The following CYP51A1 variants were observed in gnomAD, a reference collection of about 807,000 sequenced individuals.
CYP51A1 encodes lanosterol 14-alpha demethylase.
In CYP51A1, 45 loss-of-function variants were observed where a neutral mutation model predicts 53.5. That is an observed-to-expected ratio of 0.84 (90% CI 0.66 to 1.08). The LOEUF (loss-of-function observed/expected upper bound fraction) is 1.08, where lower values mean the gene tolerates loss of function less well. Ranked by LOEUF, CYP51A1 falls within the 50% of genes least tolerant of loss-of-function variation. The pLI, the probability that CYP51A1 is intolerant of heterozygous loss-of-function variation, is 0.00. For missense variants in CYP51A1, 462 were observed against 621.7 expected (o/e 0.74, Z 2.73); for synonymous variants, 181 against 217.7 (o/e 0.83, Z 1.48).
At chr7:92,134,654 A>G (rs1478680464), upstream of CYP51A1, 1 of 391,908 alleles carries the variant, frequency 2.6e-6, no homozygotes, top group East Asian at 4.0e-5. Flanking sequence ...ACGGGGCCGG[A>G]AGATAACTTA....
rs117431205 is a variant in CYP51A1, at chr7:92,123,079, A to C, written c.1086+41T>G. The stretch of plus-strand genomic sequence containing the variant: ...TTTTAAAAATTAGCCACAGATCCTC[A>C]AAGTCATAAGGCAGCAATGAAACTG... On this transcript the variant is annotated intron_variant, in intron 7 of 9. Coordinates refer to ENST00000003100, the MANE Select transcript of CYP51A1 (RefSeq NM_000786.4). 10,105 of 1,498,862 alleles carry C rather than the reference A, an allele frequency of 6.7e-3. 49 individuals are homozygous for C. Among genetic ancestry groups the C allele is most frequent in the Non-Finnish European group, 7.8e-3 (8,493 of 1,092,828 alleles). The allele number at this position is 1,498,862 out of a possible 1,614,324, so 92.8% of individuals were successfully genotyped here. A position where few individuals can be genotyped will look rare whatever the true frequency, so the allele number is the denominator to read the frequency against.
Position 92,123,324 on chromosome 7 carries a change from T to C in CYP51A1, c.891-9A>G, listed in dbSNP as rs1819728794. On this transcript the variant is annotated splice_polypyrimidine_tract_variant and intron_variant, in intron 6 of 9. Coordinates refer to ENST00000003100, the MANE Select transcript of CYP51A1 (RefSeq NM_000786.4). ...TCAAAGGACGCCCATCCCTAAGGAA[T>C]GAACCAAAGACACAAATTTAACATT... 1.2e-6 allele frequency: 2 copies of C among 1,601,248 alleles called. No homozygotes were observed. The highest frequency in any genetic ancestry group is 2.2e-5 in the South Asian group (2 of 89,076).
At chr7:92,133,813 C>G (rs1819975179) in intron 1 of CYP51A1, among the ~76,000 whole-genome samples, 1 of 152,214 alleles carries the variant, frequency 6.6e-6, no homozygotes, top group South Asian at 2.1e-4. Flanking sequence ...CCACAGCCGC[C>G]AATCCAGCCA....
In CYP51A1 at chr7:92,131,850, G is replaced by A. The variant is rs773113914; in HGVS notation, c.215C>T (p.Ser72Phe). Residue 72 changes from serine to phenylalanine, a missense_variant, in exon 2 of 10, where the codon TCC (serine) becomes TTC (phenylalanine). Physicochemically the swap from Ser to Phe is radical, Grantham distance 155 (BLOSUM62 -2). Transcript: ENST00000003100. ...GGCATGCCCAAGGAATGGAATTGGG[G>A]AGAAAATGTATGGAGGACTTTTCTA... The part of the protein sequence containing the change: ...AGVKSPPYIF[S>F]PIPFLGHAIA... 4 of 1,597,766 alleles carry A rather than the reference G, an allele frequency of 2.5e-6. No individual in the cohort carries two copies. Among genetic ancestry groups the A allele is most frequent in the Non-Finnish European group, 3.4e-6 (4 of 1,167,544 alleles).
At chr7:92,128,428 C>CTCTGTG (rs112952169) in intron 3 of CYP51A1, among the ~76,000 whole-genome samples, 2,736 of 143,076 alleles carry the variant, frequency 0.019, 39 homozygotes, top group African/African-American at 0.028. Flanking sequence ...TGGTTGGTTT[C>CTCTGTG]TGTGTGTGTG....
At chr7:92,126,158 T>G in intron 5 of CYP51A1, 95 bp downstream of exon 5, 1 of 827,418 alleles carries the variant, frequency 1.2e-6, no homozygotes, top group Non-Finnish European at 1.8e-6. Flanking sequence ...ATGTTTTACT[T>G]GTTTAATTTT....
At chr7:92,116,985 G>C in intron 9 of CYP51A1, 59 bp downstream of exon 9, 1 of 1,477,186 alleles carries the variant, frequency 6.8e-7, no homozygotes, top group Non-Finnish European at 9.1e-7. Context: ...GGAATATTTT[G>C]ACAGAGACAA....
intron 6 of CYP51A1, 28 bp downstream of exon 6, chr7:92,123,706 C>A: frequency 6.4e-7 from 1 of 1,572,160 alleles, no homozygotes; most frequent in South Asian, 1.2e-5. Context: ...CCTGCTTCAG[C>A]TTAATATGTT....
At chr7:92,116,684 T>C (rs1053710631) in intron 9 of CYP51A1, among the ~76,000 whole-genome samples, 1 of 152,226 alleles carries the variant, frequency 6.6e-6, no homozygotes. Flanking sequence ...TGTGAAATGC[T>C]AGTAATCTGT....
At chr7:92,132,003 A>C in intron 1 of CYP51A1, 131 bp from the exon 2 acceptor site, 1 of 641,382 alleles carries the variant, frequency 1.6e-6, no homozygotes, top group Non-Finnish European at 2.9e-6. Context: ...AAAAAAAAGG[A>C]AGCATCAGAA....
intron 2 of CYP51A1, among the ~76,000 whole-genome samples, chr7:92,129,444 C>A (rs1380943948): frequency 2.6e-5 from 4 of 152,094 alleles, no homozygotes; most frequent in African/African-American, 9.7e-5. Flanking sequence ...AGACTTCTTC[C>A]CCCTTTGGTT....
chr7:92,134,676 G>A (rs1010028146), upstream of CYP51A1: 1 of 341,950 alleles, frequency 2.9e-6, no homozygotes, highest in Non-Finnish European at 5.3e-6. Context: ...CTGAAGAGGC[G>A]ATCAATCCCT....
At chr7:92,115,168 T>C (rs1234684367) in intron 9 of CYP51A1, among the ~76,000 whole-genome samples, 1 of 152,150 alleles carries the variant, frequency 6.6e-6, no homozygotes, top group Non-Finnish European at 1.5e-5. Context: ...AACAGCACAA[T>C]TACGAGGTAA....
At chr7:92,119,031 CCCAAA>C (rs1426301721) in intron 7 of CYP51A1, among the ~76,000 whole-genome samples, 1 of 152,134 alleles carries the variant, frequency 6.6e-6, no homozygotes, top group Non-Finnish European at 1.5e-5. Context: ...TCCTCCTCTC[CCCAAA>C]TCCATGGTAG....
Position 92,113,739 on chromosome 7 carries a change from G to A in CYP51A1, c.1456C>T (p.Pro486Ser). 6.2e-7 allele frequency: 1 copy of A among 1,612,984 alleles called. No homozygotes were observed. The highest frequency in any genetic ancestry group is 8.5e-7 in the Non-Finnish European group (1 of 1,179,496). The change falls in exon 10 of 10, where the codon CCC becomes TCC. Residue 486 changes from proline (P) to serine (S), a missense_variant. By Grantham distance (74) the Pro-to-Ser change is moderately conservative. Coordinates refer to ENST00000003100, the MANE Select transcript of CYP51A1 (RefSeq NM_000786.4). ...YEFDLIDGYF[P>S]TVNYTTMIHT... ...ATCATAGTTGTATAATTCACAGTGG[G>A]AAAGTATCCATCAATGAGATCAAAT...
In CYP51A1 at chr7:92,118,534, C is replaced by T; in HGVS notation, c.1168G>A (p.Ala390Thr). ...AAGATACTCACCTGAGGAGTTCTGG[C>T]CATTCTCATCATGATCATTATAGGA... is the stretch of plus-strand genomic sequence containing the variant. ...RPPIMIMMRMARTPQTVAGYT... is the reference protein window; with the variant it reads ...RPPIMIMMRMTRTPQTVAGYT... The change falls in exon 8 of 10, where the codon GCC (alanine) becomes ACC (threonine). Residue 390 changes from alanine (A) to threonine (T), a missense_variant. Physicochemically the swap from Ala to Thr is moderately conservative, Grantham distance 58. Coordinates refer to ENST00000003100, the MANE Select transcript of CYP51A1 (RefSeq NM_000786.4). 3 of 1,578,218 alleles carry T rather than the reference C, an allele frequency of 1.9e-6. No individual in the cohort carries two copies. Among genetic ancestry groups the T allele is most frequent in the Non-Finnish European group, 2.6e-6 (3 of 1,148,786 alleles).
rs1167053291 is a variant in CYP51A1, at chr7:92,133,037, T to C, written c.192+1136A>G. ...AAATATCATTTCCTTAAAGATCCCA[T>C]GTGTAGGAAAAAAATAAATAAATAA... On this transcript the variant is annotated intron_variant, in intron 1 of 9. Transcript: ENST00000003100. 3.9e-5 allele frequency among the ~76,000 whole-genome samples: 6 copies of C among 152,114 alleles called. No homozygotes were observed. The East Asian group carries it at 1.2e-3, about 29-fold the overall frequency.
rs903531271 is a variant in CYP51A1 at position 92,126,686 on chromosome 7, G to A, written c.596-259C>T. ...ACTCATGAGCACTTCATCATGAAAA[G>A]AATAAATGTGGTTATTTGATTTCCA... On this transcript the variant is annotated intron_variant, in intron 4 of 9. Coordinates refer to ENST00000003100, the MANE Select transcript of CYP51A1 (RefSeq NM_000786.4). Among the ~76,000 whole-genome samples the A allele has an allele frequency of 4.6e-5, 7 of 152,240 alleles. No individual in the cohort carries two copies. In the East Asian group the frequency reaches 1.2e-3, roughly 25 times the overall value.
intron 9 of CYP51A1, among the ~76,000 whole-genome samples, chr7:92,114,411 A>G (rs996815094): frequency 6.6e-6 from 1 of 152,198 alleles, no homozygotes; most frequent in Non-Finnish European, 1.5e-5. Flanking sequence ...TTCAAATCTG[A>G]CTTCAAGACT....
Sources: allele counts gnomAD v4.1 joint callset (sites outside exome capture counted in the v4.1 genomes callset), GRCh38; gene constraint gnomAD v4.1.1; transcripts MANE v1.5; gene names NCBI Gene and HGNC (gene_info 2026-07-23, HGNC 2026-07-21).